SCN3A: variants seen among roughly 807,000 people sequenced by gnomAD.
SCN3A encodes the protein sodium channel protein type 3 subunit alpha.
In SCN3A, 60 loss-of-function variants were observed where a neutral mutation model predicts 187.6. The ratio of observed to expected loss-of-function variants is 0.32; its 90% CI spans 0.26 to 0.40. SCN3A has a LOEUF of 0.40. SCN3A is among the 10% of genes least tolerant of loss of function. The pLI is 1.00. For missense variants in SCN3A, 1,601 were observed against 2,428.2 expected, an observed-to-expected ratio of 0.66 and a Z score of 7.16; for synonymous variants, 788 against 829.2, an observed-to-expected ratio of 0.95 and a Z score of 0.85.
intron 24 of SCN3A, among the ~76,000 whole-genome samples, chr2:165,095,937 C>T (rs747260470): frequency 6.6e-6 from 1 of 152,020 alleles, no homozygotes; most frequent in Non-Finnish European, 1.5e-5. Flanking sequence ...TATTATTAGT[C>T]ATAATTTTTT....
Position 165,140,619 on chromosome 2 carries a change from A to C in SCN3A, c.2019+32T>G. 1 of 1,573,728 alleles carries C rather than the reference A, an allele frequency of 6.4e-7. No individual in the cohort carries two copies. Among genetic ancestry groups the C allele is most frequent in the Non-Finnish European group, 8.7e-7 (1 of 1,143,202 alleles). ...TTTGATTATTTCAAATTGGTGAATAATGTCAGTAGCAGCTAGGTCATCTAT... is the reference window on the plus strand; with the variant it reads ...TTTGATTATTTCAAATTGGTGAATACTGTCAGTAGCAGCTAGGTCATCTAT... On this transcript the variant is annotated intron_variant, in intron 13 of 27. Coordinates refer to ENST00000283254, the MANE Select transcript of SCN3A (RefSeq NM_006922.4). This position sits in a 1 kb window ranked among gnomAD's most constrained non-coding sequence, Gnocchi z 4.2.
At chr2:165,180,465 A>G (rs1690774227) in intron 2 of SCN3A, among the ~76,000 whole-genome samples, 2 of 151,960 alleles carry the variant, frequency 1.3e-5, no homozygotes, top group African/African-American at 2.4e-5. Context: ...TGAGGAAGTG[A>G]TATTGGAGTA....
chr2:165,153,679 T>C (rs971198956), intron 11 of SCN3A, among the ~76,000 whole-genome samples: 3 of 152,102 alleles, frequency 2.0e-5, no homozygotes, highest in South Asian at 2.1e-4. Context: ...AGAAATGAGA[T>C]ACTTATTAGA....
At chr2:165,203,094 A>G (rs935311112) in intron 1 of SCN3A, among the ~76,000 whole-genome samples, 1 of 151,948 alleles carries the variant, frequency 6.6e-6, no homozygotes, top group African/African-American at 2.4e-5. Context: ...TATTAAATAT[A>G]TACAGAAAAA....
intron 1 of SCN3A, among the ~76,000 whole-genome samples, chr2:165,198,101 G>A (rs1332643973): frequency 6.6e-6 from 1 of 151,684 alleles, no homozygotes; most frequent in Non-Finnish European, 1.5e-5. Context: ...TTAAAGAACA[G>A]AGTGGAAGTG....
intron 2 of SCN3A, among the ~76,000 whole-genome samples, chr2:165,186,290 A>G (rs1280190466): frequency 1.3e-5 from 2 of 151,610 alleles, no homozygotes; most frequent in African/African-American, 2.4e-5. Flanking sequence ...CAACAACAAC[A>G]AAAAAACAAA....
rs1172571390 is a variant in SCN3A, at chr2:165,092,066, T to C, written c.4807+188A>G. ...TTTCCCAAATCTGGTATTCCTAACA[T>C]GGTTTCTAACTAGTTAGCTTTGTGA... is the stretch of plus-strand genomic sequence containing the variant. On this transcript the variant is annotated intron_variant, in intron 27 of 27. Coordinates refer to ENST00000283254, the MANE Select transcript of SCN3A (RefSeq NM_006922.4). The surrounding 1 kb of genome is among the most constrained non-coding windows in gnomAD (Gnocchi z 4.2). The C allele has an allele frequency of 4.7e-6, 3 of 632,614 alleles. No individual in the cohort carries two copies. The highest frequency in any genetic ancestry group is 2.7e-5 in the East Asian group (1 of 36,638). The allele number at this position is 632,614 out of a possible 1,614,324, so 39.2% of individuals were successfully genotyped here. A position where few individuals can be genotyped will look rare whatever the true frequency, so the allele number is the denominator to read the frequency against.
chr2:165,186,603 A>AT lies in SCN3A; in HGVS notation c.-104dup. 1 of 152,206 alleles carries AT rather than the reference A, an allele frequency of 6.6e-6. No homozygotes were observed. Among genetic ancestry groups the AT allele is most frequent in the East Asian group, 1.9e-4 (1 of 5,162 alleles). 9.4% of individuals were successfully genotyped at this position (152,206 alleles called of 1,614,324 possible). A position where few individuals can be genotyped will look rare whatever the true frequency, so the allele number is the denominator to read the frequency against. ...GAAAAGCTCCAGGTCCCTTCTGTGA[A>AT]TTATCTCATTTATTCTTACAATATC... On this transcript the variant is annotated 5_prime_UTR_variant, in exon 2 of 28. Coordinates refer to ENST00000283254, the MANE Select transcript of SCN3A (RefSeq NM_006922.4).
rs140526730 is a variant in SCN3A, at chr2:165,118,135, T to A, written c.3394-2560A>T. On this transcript the variant is annotated intron_variant, in intron 18 of 27. Transcript: ENST00000283254. Reference sequence around the variant, plus strand: ...TATTTGTGAATGTGATTAACTTGTTTGGACATAAATAATCTCTAATAGCTC... The same window carrying A: ...TATTTGTGAATGTGATTAACTTGTTAGGACATAAATAATCTCTAATAGCTC... Among the ~76,000 whole-genome samples, 22 of 152,350 alleles carry A rather than the reference T, an allele frequency of 1.4e-4. No individual in the cohort carries two copies. In the East Asian group the frequency reaches 4.2e-3, roughly 29 times the overall value.
At position 165,176,629 on chromosome 2, in the gene SCN3A, T is replaced by TC. The variant is rs1402138732; in HGVS notation, c.-50-186dup. Among the ~76,000 whole-genome samples the TC allele has an allele frequency of 3.9e-5, 6 of 152,274 alleles. No homozygotes were observed. The East Asian group carries it at 1.2e-3, about 29-fold the overall frequency. ...CAACCTCATTCTCAATAAGCCAAGT[T>TC]CATAAATCTATCAAAAGTCTGTACT... On this transcript the variant is annotated intron_variant, in intron 2 of 27. Transcript: ENST00000283254.
intron 1 of SCN3A, among the ~76,000 whole-genome samples, chr2:165,187,365 C>A (rs533653725): frequency 1.9e-4 from 29 of 152,260 alleles, no homozygotes; most frequent in African/African-American, 7.0e-4. Flanking sequence ...CTATAACCAA[C>A]AGCAATGGCT....
intron 12 of SCN3A, among the ~76,000 whole-genome samples, chr2:165,144,435 G>C (rs1982212): frequency 0.21 from 32,413 of 152,060 alleles, 3,449 homozygotes; most frequent in East Asian, 0.31. Context: ...CATCAGCTAA[G>C]CTCTCTGCTC....
chr2:165,132,791 T>G (rs1420821318), intron 15 of SCN3A, among the ~76,000 whole-genome samples: 6 of 152,088 alleles, frequency 3.9e-5, no homozygotes, highest in African/African-American at 1.4e-4. Context: ...GGGATCTAAT[T>G]AAACTAAAGA....
At chr2:165,125,330 G>A (rs1481319648) in intron 18 of SCN3A, among the ~76,000 whole-genome samples, 1 of 151,048 alleles carries the variant, frequency 6.6e-6, no homozygotes, top group Non-Finnish European at 1.5e-5. Flanking sequence ...TTGAGATGGA[G>A]TCTTGCTCTG....
chr2:165,128,155 A>G (rs1687109054), intron 17 of SCN3A, 54 bp from the exon 18 acceptor site: 1 of 1,360,084 alleles, frequency 7.4e-7, no homozygotes, highest in Non-Finnish European at 1.0e-6. Flanking sequence ...GCATTTAAAT[A>G]ACAGCCTAAA....
At position 165,164,389 on chromosome 2, in the gene SCN3A, C is replaced by T; in HGVS notation, c.602+3G>A. 6.2e-7 allele frequency: 1 copy of T among 1,613,692 alleles called. No individual in the cohort carries two copies. Among genetic ancestry groups the T allele is most frequent in the Admixed American group, 1.7e-5 (1 of 60,000 alleles). The stretch of plus-strand genomic sequence containing the variant: ...CGCTTATCAAATTTTCAAAGTTACT[C>T]ACGCCATCACAATGACACTGAAATC... On this transcript the variant is annotated splice_donor_region_variant and intron_variant, in intron 6 of 27. Coordinates refer to ENST00000283254, the MANE Select transcript of SCN3A (RefSeq NM_006922.4).
chr2:165,140,974 G>A lies in SCN3A; in HGVS notation c.1696C>T (p.Leu566=). ...HQSLLSIRGS[L]FSPRRNSKTS... is the part of the protein sequence containing the mutation. ...TTGCTATTGCGTCTTGGGGAAAACA[G>A]GGAGCCACGGATACTCAAGAGAGAC... The change falls in exon 13 of 28, where the codon CTG becomes TTG. Residue 566 remains leucine (L), a synonymous_variant. Transcript: ENST00000283254. This position sits in a 1 kb window ranked among gnomAD's most constrained non-coding sequence, Gnocchi z 4.2. The A allele has an allele frequency of 6.8e-6, 11 of 1,613,988 alleles. No homozygotes were observed. The highest frequency in any genetic ancestry group is 1.1e-5 in the South Asian group (1 of 91,068).
chr2:165,090,286 T>C lies in SCN3A; in HGVS notation c.5867A>G (p.Glu1956Gly). Residue 1956 changes from glutamate to glycine, a missense_variant, in exon 28 of 28, where the codon GAA (glutamate) becomes GGA (glycine). This residue lies in a region of SCN3A where 87 missense variants were observed against 89.2 expected (regional missense o/e 0.98). Transcript: ENST00000283254. The surrounding 1 kb of genome is among the most constrained non-coding windows in gnomAD (Gnocchi z 4.0). ...GGTAGAGGAACTCCCATCTGTTTTT[T>C]CTGGAGTGGAGTTCCCATTTAGTTT... Reference protein sequence around the residue: ...IDKLNGNSTPEKTDGSSSTTS... With the variant: ...IDKLNGNSTPGKTDGSSSTTS... The C allele has an allele frequency of 1.9e-6, 3 of 1,613,184 alleles. No individual in the cohort carries two copies. Among genetic ancestry groups the C allele is most frequent in the Non-Finnish European group, 2.5e-6 (3 of 1,179,468 alleles).
intron 5 of SCN3A, among the ~76,000 whole-genome samples, chr2:165,166,212 G>C (rs781666686): frequency 7.2e-5 from 11 of 152,056 alleles, no homozygotes; most frequent in Non-Finnish European, 1.2e-4. Context: ...AAAATATGTG[G>C]GTACATTTGG....
Sources: gnomAD v4.1 joint callset for allele counts (sites outside exome capture counted in the v4.1 genomes callset) on GRCh38, gnomAD v4.1.1 for gene constraint, gnomAD v4.1.1 regional missense constraint, Gnocchi (gnomAD v3.1) non-coding constraint, MANE v1.5 for transcripts, NCBI Gene and HGNC (gene_info 2026-07-23, HGNC 2026-07-21) for gene names.